Variants in PCNX2 observed in about 807,000 individuals in gnomAD.
The protein encoded by PCNX2 is pecanex-like protein 2.
Under a neutral mutation model 223.8 loss-of-function variants are expected in PCNX2, and 168 were observed. The observed-to-expected ratio is 0.75, with a 90% CI of 0.66 to 0.85. The LOEUF is 0.85. Among genes scored for constraint, PCNX2 ranks in the 40% least tolerant of loss-of-function variants. The pLI is 0.00. For missense variants in PCNX2, 2,507 were observed against 2,675.5 expected (o/e 0.94, Z 1.39); for synonymous variants, 1,006 against 1,052.6 (o/e 0.96, Z 0.86).
At chr1:233,201,050 TTGGTATACCTA>T (rs759060363) in intron 13 of PCNX2, among the ~76,000 whole-genome samples, 251 of 137,930 alleles carry the variant, frequency 1.8e-3, no homozygotes, top group Non-Finnish European at 3.2e-3. Flanking sequence ...AAAAAAAAAG[TTGGTATACCTA>T]TGTAATGAAC....
At chr1:233,247,708 T>C (rs1317499887) in intron 8 of PCNX2, among the ~76,000 whole-genome samples, 1 of 151,966 alleles carries the variant, frequency 6.6e-6, no homozygotes, top group African/African-American at 2.4e-5. Flanking sequence ...TGAAACCCTG[T>C]CTCTACTAAA....
chr1:233,155,572 T>C (rs1678071155), intron 19 of PCNX2, among the ~76,000 whole-genome samples: 2 of 152,212 alleles, frequency 1.3e-5, no homozygotes, highest in Non-Finnish European at 2.9e-5. Flanking sequence ...TTAACTCCAT[T>C]GTAATCCATT....
chr1:233,271,311 C>T (rs1660626556), intron 1 of PCNX2, among the ~76,000 whole-genome samples: 3 of 152,088 alleles, frequency 2.0e-5, no homozygotes, highest in South Asian at 2.1e-4. Context: ...ACATGATCAA[C>T]ACCATATTTT....
At chr1:233,283,601 GA>G (rs1360568825) in intron 1 of PCNX2, among the ~76,000 whole-genome samples, 13 of 152,056 alleles carry the variant, frequency 8.5e-5, no homozygotes, top group African/African-American at 2.9e-4. Flanking sequence ...ACATCAAAAA[GA>G]ATGATGATAG....
chr1:233,199,973 C>T (rs114868230), intron 14 of PCNX2, among the ~76,000 whole-genome samples, 181 bp downstream of exon 14: 1,973 of 152,282 alleles, frequency 0.013, 22 homozygotes, highest in South Asian at 0.038. Context: ...TGGACCTCTT[C>T]CAATTTGGCT....
intron 25 of PCNX2, among the ~76,000 whole-genome samples, chr1:233,044,347 A>G (rs1671751804): frequency 6.6e-6 from 1 of 151,988 alleles, no homozygotes; most frequent in Admixed American, 6.6e-5. Context: ...ATTTTCTCCC[A>G]TTTTGTAGGT....
intron 26 of PCNX2, 109 bp from the exon 27 acceptor site, chr1:233,017,263 T>C (rs559018814): frequency 1.0e-5 from 7 of 698,762 alleles, no homozygotes; most frequent in South Asian, 7.0e-5. Flanking sequence ...ATCATTTGTA[T>C]GTTCTGCTGG....
intron 9 of PCNX2, among the ~76,000 whole-genome samples, chr1:233,229,474 G>A (rs893271112): frequency 5.9e-5 from 9 of 152,062 alleles, no homozygotes; most frequent in East Asian, 1.9e-4. Flanking sequence ...AACCTCCCCC[G>A]ACAAAGGAGT....
chr1:233,216,236 C>A (rs1014119842), intron 12 of PCNX2, among the ~76,000 whole-genome samples: 2 of 152,146 alleles, frequency 1.3e-5, no homozygotes, highest in African/African-American at 4.8e-5. Flanking sequence ...TCCCATAGCA[C>A]CCACCCCGTA....
rs1679646280 is a variant in PCNX2 at position 233,179,068 on chromosome 1, G to A, written c.3174C>T (p.Leu1058=). The A allele has an allele frequency of 2.5e-6, 4 of 1,613,292 alleles. No homozygotes were observed. The Admixed American group carries it at 5.0e-5, about 20-fold the overall frequency. Residue 1058 remains leucine, a splice_region_variant and synonymous_variant, in exon 16 of 34, where the codon CTC becomes CTT. Coordinates refer to ENST00000258229, the MANE Select transcript of PCNX2 (RefSeq NM_014801.4). Reference sequence around the variant, plus strand: ...GAGCACAGGCATAGACCACTCACATGAGTACAGATGGGTCACTGCTCTGAC... The same window carrying A: ...GAGCACAGGCATAGACCACTCACATAAGTACAGATGGGTCACTGCTCTGAC... ...LSRQSSDPSV[L]MSFIQCRLFP...
chr1:233,194,631 T>C (rs1261357056), intron 15 of PCNX2, among the ~76,000 whole-genome samples: 3 of 152,198 alleles, frequency 2.0e-5, no homozygotes, highest in African/African-American at 7.2e-5. Context: ...AGCTATTTTA[T>C]GTGAGCTCTT....
chr1:233,307,428 C>T, the PCNX2 span, among the ~76,000 whole-genome samples: 3 of 152,306 alleles, frequency 2.0e-5, no homozygotes, highest in East Asian at 3.9e-4. Flanking sequence ...ACACCAGCTC[C>T]CATTTGCTTT....
intron 28 of PCNX2, among the ~76,000 whole-genome samples, chr1:233,014,462 A>G (rs1387063943): frequency 6.6e-6 from 1 of 152,172 alleles, no homozygotes; most frequent in Non-Finnish European, 1.5e-5. Context: ...CACGTGAATG[A>G]TATTTCCAAA....
chr1:233,010,152 C>G (rs371144934), intron 28 of PCNX2, among the ~76,000 whole-genome samples: 2 of 152,238 alleles, frequency 1.3e-5, no homozygotes, highest in South Asian at 2.1e-4. Flanking sequence ...GACATGACAG[C>G]TGGCCCCCGT....
intron 32 of PCNX2, 117 bp from the exon 33 acceptor site, chr1:232,986,657 C>T (rs566385640): frequency 5.8e-5 from 54 of 929,528 alleles, no homozygotes; most frequent in South Asian, 8.2e-5. Flanking sequence ...CAGTGCACCA[C>T]CTGCAAGGCT....
At chr1:233,172,832 C>A (rs1558308219) in intron 17 of PCNX2, among the ~76,000 whole-genome samples, 1 of 152,144 alleles carries the variant, frequency 6.6e-6, no homozygotes, top group East Asian at 1.9e-4. Flanking sequence ...TCAGCAGTAA[C>A]CTGCCATAAT....
At chr1:233,262,260 G>A in intron 2 of PCNX2, 95 bp from the exon 3 acceptor site, 3 of 1,469,672 alleles carry the variant, frequency 2.0e-6, no homozygotes. Flanking sequence ...TTTTCCTAGA[G>A]TCCATTTTGT....
At chr1:233,048,645 A>G (rs930308182) in intron 25 of PCNX2, among the ~76,000 whole-genome samples, 1 of 152,194 alleles carries the variant, frequency 6.6e-6, no homozygotes, top group Non-Finnish European at 1.5e-5. Flanking sequence ...CTAGCAGAAG[A>G]AAGAACTGAA....
rs1361055374 is a variant in PCNX2 at position 233,173,742 on chromosome 1, GTAGT to G, written c.3273+4056_3273+4059del. Among the ~76,000 whole-genome samples the G allele has an allele frequency of 7.2e-5, 11 of 152,170 alleles. No individual in the cohort carries two copies. The South Asian group carries it at 2.1e-3, about 29-fold the overall frequency. ...ATCATTTACATTTTAATAAACTGCG[GTAGT>G]TAGTTTACTTTATTTGTGACACTAC... On this transcript the variant is annotated intron_variant, in intron 17 of 33. Coordinates refer to ENST00000258229, the MANE Select transcript of PCNX2 (RefSeq NM_014801.4).
Sources: gnomAD v4.1 joint callset for allele counts (sites outside exome capture counted in the v4.1 genomes callset) on GRCh38, gnomAD v4.1.1 for gene constraint, MANE v1.5 for transcripts, NCBI Gene and HGNC (gene_info 2026-07-23, HGNC 2026-07-21) for gene names.